Variants in ACAP3 observed in about 807,000 individuals in gnomAD.
The protein encoded by ACAP3 is arf-GAP with coiled-coil, ANK repeat and PH domain-containing protein 3.
ACAP3 carries 56 observed loss-of-function variants against 104.1 expected under a neutral mutation model. That is an observed-to-expected ratio of 0.54 (90% CI 0.43 to 0.67). ACAP3 has a LOEUF of 0.67. ACAP3 is among the 30% of genes least tolerant of loss of function. The pLI is 0.00. For synonymous variants in ACAP3, 628 were observed against 496.2 expected, an observed-to-expected ratio of 1.27 and a Z score of -3.53; for missense variants, 1,208 against 1,174.9, an observed-to-expected ratio of 1.03 and a Z score of -0.41.
rs374826827 is a variant in ACAP3, at chr1:1,294,584, T to A, written c.1957A>T (p.Thr653Ser). 9 of 1,511,666 alleles carry A rather than the reference T, an allele frequency of 6.0e-6. No individual in the cohort carries two copies. The South Asian group carries it at 1.0e-4, about 17-fold the overall frequency. The allele number at this position is 1,511,666 out of a possible 1,614,324, so 93.6% of individuals were successfully genotyped here. Reference protein sequence around the residue: ...EESSGEADGDTEAEAWGLADV... With the variant: ...EESSGEADGDSEAEAWGLADV... ...GCCAGGCCCCAGGCCTCGGCCTCAG[T>A]GTCCCCGTCTGCCTCACCGCTGGAC... The change falls in exon 21 of 24, where the codon ACT (threonine) becomes TCT (serine). Residue 653 changes from threonine (T) to serine (S), a missense_variant. Transcript: ENST00000354700.
At chr1:1,295,667 G>T in intron 18 of ACAP3, 69 bp downstream of exon 18, 1 of 1,550,054 alleles carries the variant, frequency 6.5e-7, no homozygotes. Context: ...CCTGCCACCA[G>T]CCCCTTGACG....
chr1:1,295,862 G>A lies in ACAP3; in HGVS notation c.1579C>T (p.Leu527=). ...ACCCTCCAGCGTCTTGGGGCCTCCA[G>A]GGCTGGTGCCATGGGCGCCTTCCGC... ...FLRKAPMAPA[L]EAPRRWRVQK... is the part of the protein sequence containing the mutation. The change falls in exon 18 of 24, where the codon CTG becomes TTG. Residue 527 remains leucine, a synonymous_variant. Coordinates refer to ENST00000354700, the MANE Select transcript of ACAP3 (RefSeq NM_030649.3). 6.2e-7 allele frequency: 1 copy of A among 1,611,876 alleles called. No homozygotes were observed.
chr1:1,297,187 A>G (rs2989019), intron 14 of ACAP3, among the ~76,000 whole-genome samples: 8,613 of 85,060 alleles, frequency 0.1, 1,379 homozygotes, highest in African/African-American at 0.44. Context: ...GGCCATCCCC[A>G]GTGGCACGTG....
At chr1:1,298,863 A>G (rs890129339) in intron 10 of ACAP3, 184 bp from the exon 11 acceptor site, 1 of 600,540 alleles carries the variant, frequency 1.7e-6, no homozygotes, top group African/African-American at 1.9e-5. Flanking sequence ...CAAGGCCCCC[A>G]GCCCTGCAAC....
At chr1:1,303,000 G>C in intron 3 of ACAP3, 25 bp from the exon 4 acceptor site, 1 of 1,602,544 alleles carries the variant, frequency 6.2e-7, no homozygotes, top group East Asian at 2.3e-5. Flanking sequence ...GGGAACCCGT[G>C]CTGAGATGGC....
Position 1,293,848 on chromosome 1 carries a change from C to T in ACAP3, c.2335G>A (p.Ala779Thr), listed in dbSNP as rs1398711254. The stretch of plus-strand genomic sequence containing the variant: ...AGTGTCACGATGTCAGCGTTGGCCG[C>T]CTGCACTGCGATGGCCAACGGGTCC... Reference protein sequence around the residue: ...QRDPLAIAVQAANADIVTLLR... With the variant: ...QRDPLAIAVQTANADIVTLLR... Residue 779 changes from alanine to threonine, a missense_variant, in exon 23 of 24, where the codon GCG (alanine) becomes ACG (threonine). Coordinates refer to ENST00000354700, the MANE Select transcript of ACAP3 (RefSeq NM_030649.3). 6.3e-7 allele frequency: 1 copy of T among 1,577,424 alleles called. No homozygotes were observed. The highest frequency in any genetic ancestry group is 1.1e-5 in the South Asian group (1 of 89,358).
At chr1:1,299,284 A>C in intron 10 of ACAP3, 61 bp downstream of exon 10, 1 of 1,568,900 alleles carries the variant, frequency 6.4e-7, no homozygotes, top group Non-Finnish European at 8.7e-7. Flanking sequence ...GAGGAGGGAA[A>C]GGCACCGCCC....
intron 1 of ACAP3, chr1:1,304,420 G>A: frequency 3.6e-6 from 2 of 556,104 alleles, no homozygotes; most frequent in Non-Finnish European, 6.5e-6. Context: ...GCCGCTGGGA[G>A]TCCCTCAGGG....
Position 1,303,681 on chromosome 1 carries a change from T to G in ACAP3, c.106-400A>C. The G allele has an allele frequency of 1.4e-5, 5 of 359,286 alleles. No homozygotes were observed. Among genetic ancestry groups the G allele is most frequent in the East Asian group, 5.6e-5 (1 of 17,884 alleles). The allele number at this position is 359,286 out of a possible 1,614,324, so 22.3% of individuals were successfully genotyped here. ...CTCTCCACGGCCTGTTGCCCCCTCTTTCTCAGCCCATGTGGGGCTCATGGA... is the reference window on the plus strand; with the variant it reads ...CTCTCCACGGCCTGTTGCCCCCTCTGTCTCAGCCCATGTGGGGCTCATGGA... On this transcript the variant is annotated intron_variant, in intron 2 of 23. Coordinates refer to ENST00000354700, the MANE Select transcript of ACAP3 (RefSeq NM_030649.3). The surrounding 1 kb of genome is among the most constrained non-coding windows in gnomAD (Gnocchi z 4.0).
In ACAP3 at chr1:1,298,112, T is replaced by G; in HGVS notation, c.917A>C (p.Asp306Ala). Residue 306 changes from aspartate to alanine, a missense_variant and splice_region_variant, in exon 13 of 24, where the codon GAT becomes GCT. Asp to Ala is a moderately radical substitution (Grantham distance 126). Transcript: ENST00000354700. ...GTCATCCACCACCACGGTGAGGGCA[T>G]CCTGTGGGCGGCACCGCTGTGGCCC... ...SQLVYQKKLK[D>A]ALTVVVDDLR... is the part of the protein sequence containing the mutation. The G allele has an allele frequency of 6.2e-7, 1 of 1,605,368 alleles. No homozygotes were observed. Among genetic ancestry groups the G allele is most frequent in the Non-Finnish European group, 8.5e-7 (1 of 1,176,626 alleles).
intron 1 of ACAP3, among the ~76,000 whole-genome samples, chr1:1,306,856 G>A (rs956926632): frequency 1.3e-5 from 2 of 152,252 alleles, no homozygotes; most frequent in African/African-American, 2.4e-5. Context: ...GGCTAACACA[G>A]TACGTGAACC....
intron 12 of ACAP3, 53 bp from the exon 13 acceptor site, chr1:1,298,166 C>T (rs1641279700): frequency 1.3e-6 from 2 of 1,567,456 alleles, no homozygotes; most frequent in Non-Finnish European, 1.7e-6. Flanking sequence ...CGGCCCCGAC[C>T]ACCCACTTCC....
intron 19 of ACAP3, 127 bp from the exon 20 acceptor site, chr1:1,294,943 C>T (rs1188607932): frequency 2.2e-6 from 2 of 892,974 alleles, no homozygotes; most frequent in Non-Finnish European, 3.4e-6. Flanking sequence ...AGCTCCCACC[C>T]AGGGCCGGGG....
Position 1,303,369 on chromosome 1 carries a change from C to A in ACAP3, c.106-88G>T. The A allele has an allele frequency of 6.6e-7, 1 of 1,510,542 alleles. No individual in the cohort carries two copies. Among genetic ancestry groups the A allele is most frequent in the South Asian group, 1.2e-5 (1 of 80,706 alleles). The allele number at this position is 1,510,542 out of a possible 1,614,324, so 93.6% of individuals were successfully genotyped here. The stretch of plus-strand genomic sequence containing the variant: ...CGGCCACTCAGAGGCAGGAAGAGCT[C>A]CCAGGGTAGGTTCCACTCAGGGCGT... On this transcript the variant is annotated intron_variant, in intron 2 of 23. Coordinates refer to ENST00000354700, the MANE Select transcript of ACAP3 (RefSeq NM_030649.3). This position sits in a 1 kb window ranked among gnomAD's most constrained non-coding sequence, Gnocchi z 4.0.
In ACAP3 at chr1:1,296,623, C is replaced by T. The variant is rs970592193; in HGVS notation, c.1139G>A (p.Arg380His). The T allele has an allele frequency of 1.5e-5, 23 of 1,536,136 alleles. No individual in the cohort carries two copies. The highest frequency in any genetic ancestry group is 7.3e-5 in the East Asian group (3 of 40,880). Residue 380 changes from arginine to histidine, a missense_variant, in exon 15 of 24, where the codon CGC becomes CAC. Transcript: ENST00000354700. The stretch of plus-strand genomic sequence containing the variant: ...GCTGCTCGTGGACGGGGATGCTGTG[C>T]GGTCCAGCCTCTGGAGGATGGGGTG... ...PDSCYSERLD[R>H]TASPSTSSID... is the part of the protein sequence containing the mutation.
chr1:1,302,141 G>A, intron 4 of ACAP3, 95 bp from the exon 5 acceptor site: 3 of 1,157,686 alleles, frequency 2.6e-6, no homozygotes, highest in South Asian at 2.3e-5. Context: ...ACTGCCCCCA[G>A]GCCCAGATGC....
intron 1 of ACAP3, chr1:1,305,282 T>C (rs1313618115): frequency 2.6e-5 from 4 of 152,954 alleles, no homozygotes; most frequent in Admixed American, 1.3e-4. Flanking sequence ...CAGGGGGCGA[T>C]GGAGGGAATC....
At position 1,300,582 on chromosome 1, in the gene ACAP3, A is replaced by AC. The variant is rs1163254103; in HGVS notation, c.448dup (p.Val150GlyfsTer36). On this transcript the variant is annotated frameshift_variant, in exon 6 of 24. Coordinates refer to ENST00000354700, the MANE Select transcript of ACAP3 (RefSeq NM_030649.3). LOFTEE classifies it high-confidence loss of function. ...GGTGAGGGCCCCGGTGGCTTCCTCCACCTCGTGGGGCCGGTGCCTCGGGGC... is the reference window on the plus strand; with the variant it reads ...GGTGAGGGCCCCGGTGGCTTCCTCCACCCTCGTGGGGCCGGTGCCTCGGGGC... The AC allele has an allele frequency of 1.9e-6, 3 of 1,611,094 alleles. No homozygotes were observed. The highest frequency in any genetic ancestry group is 2.5e-6 in the Non-Finnish European group (3 of 1,179,408).
At chr1:1,293,731 A>ACGCCCCTTCCCTGGAGGCCC (rs1640951077) in intron 23 of ACAP3, 23 bp from the exon 24 acceptor site, 41 of 943,902 alleles carry the variant, frequency 4.3e-5, no homozygotes, top group Non-Finnish European at 5.4e-5. Context: ...ACAGCGTGAG[A>ACGCCCCTTCCCTGGAGGCCC]CGCCCCTGCC....
Sources: gnomAD v4.1 joint callset for allele counts (sites outside exome capture counted in the v4.1 genomes callset) on GRCh38, gnomAD v4.1.1 for gene constraint, Gnocchi (gnomAD v3.1) non-coding constraint, MANE v1.5 for transcripts, NCBI Gene and HGNC (gene_info 2026-07-23, HGNC 2026-07-21) for gene names.